Variants in EMCN observed in about 807,000 individuals in gnomAD.
EMCN encodes the protein endomucin.
A neutral mutation model predicts 38.4 loss-of-function variants in EMCN; 37 were observed. The observed-to-expected ratio is 0.96, with a 90% CI of 0.74 to 1.27. The LOEUF is 1.27. Ranked by LOEUF, EMCN falls within the 50% of genes most tolerant of loss-of-function variation. The pLI, the probability that EMCN is intolerant of heterozygous loss-of-function variation, is 0.00. For missense variants in EMCN, 318 were observed against 302.8 expected (o/e 1.05, Z -0.37); for synonymous variants, 95 against 100.8 (o/e 0.94, Z 0.35).
intron 4 of EMCN, among the ~76,000 whole-genome samples, chr4:100,454,343 T>G (rs1359854157): frequency 6.6e-6 from 1 of 151,864 alleles, no homozygotes; most frequent in Non-Finnish European, 1.5e-5. Context: ...GTGGGGGACC[T>G]TTGTTATTGA....
intron 4 of EMCN, among the ~76,000 whole-genome samples, chr4:100,461,911 C>G (rs1728189348): frequency 6.6e-6 from 1 of 152,164 alleles, no homozygotes; most frequent in African/African-American, 2.4e-5. Flanking sequence ...TTTGTTTTGT[C>G]TCTATCTCTC....
At chr4:100,437,908 T>C (rs1050868972) in intron 5 of EMCN, among the ~76,000 whole-genome samples, 4 of 152,088 alleles carry the variant, frequency 2.6e-5, no homozygotes, top group African/African-American at 9.7e-5. Flanking sequence ...ATACATATTT[T>C]TGGAATGTTT....
chr4:100,471,571 A>C (rs1334140300), intron 3 of EMCN, among the ~76,000 whole-genome samples: 5 of 151,980 alleles, frequency 3.3e-5, no homozygotes, highest in Non-Finnish European at 5.9e-5. Context: ...AGAAGGGAAC[A>C]CTTCCCAACT....
intron 4 of EMCN, among the ~76,000 whole-genome samples, chr4:100,459,635 T>C (rs1292478801): frequency 6.6e-6 from 1 of 152,154 alleles, no homozygotes; most frequent in Non-Finnish European, 1.5e-5. Context: ...TCTCTATGAG[T>C]TCAACATGTT....
intron 4 of EMCN, among the ~76,000 whole-genome samples, chr4:100,460,471 G>A (rs976346006): frequency 4.6e-5 from 7 of 152,146 alleles, no homozygotes; most frequent in Non-Finnish European, 7.4e-5. Flanking sequence ...CCACATGGCA[G>A]GGGAGGCGTC....
chr4:100,451,328 C>A (rs1251050164), intron 4 of EMCN, among the ~76,000 whole-genome samples: 1 of 151,586 alleles, frequency 6.6e-6, no homozygotes, highest in Non-Finnish European at 1.5e-5. Flanking sequence ...AGGGTAAAAT[C>A]TAGTAGAGGT....
chr4:100,458,091 G>C (rs926998520), intron 4 of EMCN, among the ~76,000 whole-genome samples: 13 of 151,940 alleles, frequency 8.6e-5, no homozygotes, highest in Admixed American at 8.5e-4. Context: ...ACTCCAGCCT[G>C]GGCAACAGGG....
In EMCN at chr4:100,443,478, G is replaced by T. The variant is rs80302178; in HGVS notation, c.415+4055C>A. 4.6e-3 allele frequency among the ~76,000 whole-genome samples: 703 copies of T among 152,330 alleles called. 7 individuals carry two copies. The highest frequency in any genetic ancestry group is 0.016 in the African/African-American group (670 of 41,566). On this transcript the variant is annotated intron_variant, in intron 5 of 11. Coordinates refer to ENST00000296420, the MANE Select transcript of EMCN (RefSeq NM_016242.4). ...TGTAGGTGCCTCAGTGGCCTAGTTTGTAGGTTGCTAGGGCAAAGGCTTAAC... is the reference window on the plus strand; with the variant it reads ...TGTAGGTGCCTCAGTGGCCTAGTTTTTAGGTTGCTAGGGCAAAGGCTTAAC...
At chr4:100,491,135 G>A (rs1393645613) in intron 1 of EMCN, among the ~76,000 whole-genome samples, 5 of 151,934 alleles carry the variant, frequency 3.3e-5, no homozygotes, top group Admixed American at 6.6e-5. Context: ...TGTTTCCTTT[G>A]ATGTATAGGG....
chr4:100,404,051 C>A (rs1405961752), intron 11 of EMCN, among the ~76,000 whole-genome samples: 1 of 152,068 alleles, frequency 6.6e-6, no homozygotes, highest in Non-Finnish European at 1.5e-5. Context: ...GTTTCTTAGG[C>A]TGTGCAGAAG....
intron 4 of EMCN, among the ~76,000 whole-genome samples, chr4:100,458,683 A>C (rs1187671901): frequency 6.6e-6 from 1 of 152,210 alleles, no homozygotes; most frequent in Admixed American, 6.5e-5. Flanking sequence ...CAAAGGCCTT[A>C]AAACAGCCTG....
At chr4:100,453,916 G>A (rs901843088) in intron 4 of EMCN, among the ~76,000 whole-genome samples, 9 of 151,088 alleles carry the variant, frequency 6.0e-5, no homozygotes, top group South Asian at 2.1e-4. Flanking sequence ...GCAAACTATC[G>A]CAAGGTCAAA....
At chr4:100,427,739 C>T (rs1303617202) in intron 5 of EMCN, among the ~76,000 whole-genome samples, 1 of 152,016 alleles carries the variant, frequency 6.6e-6, no homozygotes, top group Non-Finnish European at 1.5e-5. Flanking sequence ...TACTTCCATC[C>T]CAGACCTTTT....
chr4:100,509,289 G>A (rs1356961582), intron 1 of EMCN, among the ~76,000 whole-genome samples: 1 of 151,904 alleles, frequency 6.6e-6, no homozygotes, highest in East Asian at 1.9e-4. Context: ...CAACAAATGA[G>A]GCTGTCAAAA....
intron 5 of EMCN, among the ~76,000 whole-genome samples, chr4:100,430,001 T>C (rs960966011): frequency 6.6e-6 from 1 of 152,202 alleles, no homozygotes; most frequent in African/African-American, 2.4e-5. Flanking sequence ...GACATCATTA[T>C]CAATGGAATC....
Position 100,517,934 on chromosome 4 carries a change from A to G in EMCN, c.-20T>C, listed in dbSNP as rs1729802378. ...TTCCATGGTGCCCGTAGATGGTGTC[A>G]ATATCTTCTTTCTCCAGAAGCAGGC... On this transcript the variant is annotated 5_prime_UTR_variant, in exon 1 of 12. Coordinates refer to ENST00000296420, the MANE Select transcript of EMCN (RefSeq NM_016242.4). 6.2e-7 allele frequency: 1 copy of G among 1,611,696 alleles called. No individual in the cohort carries two copies. The highest frequency in any genetic ancestry group is 8.5e-7 in the Non-Finnish European group (1 of 1,178,310).
chr4:100,439,449 T>A (rs1367836513), intron 5 of EMCN, among the ~76,000 whole-genome samples: 1 of 151,780 alleles, frequency 6.6e-6, no homozygotes, highest in South Asian at 2.1e-4. Flanking sequence ...TTCGTAGTAG[T>A]CTTAACGATC....
At chr4:100,415,830 A>C (rs892468762) in intron 10 of EMCN, 68 bp downstream of exon 10, 2 of 1,110,332 alleles carry the variant, frequency 1.8e-6, no homozygotes, top group Middle Eastern at 5.5e-4. Flanking sequence ...CACATGAACA[A>C]AATCCAAGGT....
chr4:100,417,333 T>A (rs888488421), intron 8 of EMCN, among the ~76,000 whole-genome samples, 192 bp from the exon 9 acceptor site: 2 of 152,206 alleles, frequency 1.3e-5, no homozygotes, highest in Non-Finnish European at 2.9e-5. Flanking sequence ...ATCCTGGCAC[T>A]CATGGGATAG....
Sources: gnomAD v4.1 joint callset for allele counts (sites outside exome capture counted in the v4.1 genomes callset) on GRCh38, gnomAD v4.1.1 for gene constraint, MANE v1.5 for transcripts, NCBI Gene and HGNC (gene_info 2026-07-23, HGNC 2026-07-21) for gene names.